Variants in DHRSX observed in about 807,000 individuals in gnomAD.
DHRSX encodes the protein polyprenol dehydrogenase.
DHRSX carries 31 observed loss-of-function variants against 34.0 expected under a neutral mutation model. The observed-to-expected ratio is 0.91, with a 90% CI of 0.69 to 1.23. DHRSX has a LOEUF of 1.23. Ranked by LOEUF, DHRSX falls within the 50% of genes most tolerant of loss-of-function variation. The pLI, the probability that DHRSX is intolerant of heterozygous loss-of-function variation, is 0.00. For synonymous variants in DHRSX, 201 were observed against 183.8 expected (o/e 1.09, Z -0.76); for missense variants, 414 against 428.1 (o/e 0.97, Z 0.29).
chrX:2,243,350 C>T (rs1318543092), intron 5 of DHRSX, 120 bp from the exon 6 acceptor site: 42 of 779,484 alleles, frequency 5.4e-5, no homozygotes, highest in Non-Finnish European at 8.5e-5. Flanking sequence ...CTCCCCTAGA[C>T]CCATGTGTGA....
intron 3 of DHRSX, among the ~76,000 whole-genome samples, chrX:2,355,947 T>C (rs1206574820): frequency 6.6e-6 from 1 of 151,748 alleles, no homozygotes; most frequent in Non-Finnish European, 1.5e-5. Flanking sequence ...GTATATGTAG[T>C]TCCAGCTACT....
In DHRSX at chrX:2,243,218, T is replaced by C. The variant is rs140923685; in HGVS notation, c.609A>G (p.Ser203=). ...MDDLQSSACY[S]PHAAYAQSKL... Reference sequence around the variant, plus strand: ...TGCTCTGGGCGTAGGCTGCGTGGGGTGAGTAGCAGGCACTGTGGGGCAAGC... The same window carrying C: ...TGCTCTGGGCGTAGGCTGCGTGGGGCGAGTAGCAGGCACTGTGGGGCAAGC... The change falls in exon 6 of 7, where the codon TCA becomes TCG. Residue 203 remains serine, a synonymous_variant. Transcript: ENST00000334651. 244 of 1,613,482 alleles carry C rather than the reference T, an allele frequency of 1.5e-4. 1 individual carries two copies. The African/African-American group carries it at 2.9e-3, about 19-fold the overall frequency.
chrX:2,385,110 ATGTGTG>A (rs934167358), intron 3 of DHRSX, among the ~76,000 whole-genome samples: 10 of 146,608 alleles, frequency 6.8e-5, no homozygotes, highest in African/African-American at 2.0e-4. Flanking sequence ...TCAAATATAT[ATGTGTG>A]TGTGTGTGTG....
chrX:2,365,146 T>C (rs2042982272), intron 3 of DHRSX, among the ~76,000 whole-genome samples: 1 of 152,294 alleles, frequency 6.6e-6, no homozygotes. Context: ...GAAACTATCA[T>C]CAGAGCAAAC....
At chrX:2,437,279 G>A (rs964465109) in intron 1 of DHRSX, among the ~76,000 whole-genome samples, 8 of 152,096 alleles carry the variant, frequency 5.3e-5, no homozygotes, top group African/African-American at 1.7e-4. Flanking sequence ...GATTACAGGT[G>A]TGAGCCACCA....
intron 1 of DHRSX, chrX:2,490,747 G>C (rs899235174): frequency 6.3e-7 from 1 of 1,599,020 alleles, no homozygotes; most frequent in Non-Finnish European, 8.5e-7. Context: ...CTGCCTGCTG[G>C]ACGGCTGCTC....
At position 2,425,312 on chromosome X, in the gene DHRSX, AG is replaced by A; in HGVS notation, c.110-9del. ...CAGGTCGTGGGGGGAAAACTGAAAA[AG>A]AAGAAGAGAAAATCATCAAACTAAG... On this transcript the variant is annotated splice_polypyrimidine_tract_variant and intron_variant, in intron 1 of 6. Coordinates refer to ENST00000334651, the MANE Select transcript of DHRSX (RefSeq NM_145177.3). 2 of 1,604,954 alleles carry A rather than the reference AG, an allele frequency of 1.2e-6. No homozygotes were observed. The highest frequency in any genetic ancestry group is 1.7e-6 in the Non-Finnish European group (2 of 1,172,970).
At chrX:2,332,555 T>C (rs747334785) in intron 3 of DHRSX, among the ~76,000 whole-genome samples, 1 of 152,132 alleles carries the variant, frequency 6.6e-6, no homozygotes, top group Non-Finnish European at 1.5e-5. Context: ...GCATTAGAAA[T>C]AGGACTTATG....
chrX:2,336,737 G>A (rs984932266), intron 3 of DHRSX, among the ~76,000 whole-genome samples: 2 of 151,814 alleles, frequency 1.3e-5, no homozygotes, highest in East Asian at 1.9e-4. Context: ...TGCCCACATC[G>A]TTATTTCAGA....
At chrX:2,409,408 AT>A (rs1206806828) in intron 2 of DHRSX, among the ~76,000 whole-genome samples, 1 of 152,016 alleles carries the variant, frequency 6.6e-6, no homozygotes, top group African/African-American at 2.4e-5. Flanking sequence ...ATTTCTCCTA[AT>A]GCTCTCCCTG....
At position 2,228,658 on chromosome X, in the gene DHRSX, C is replaced by G. The variant is rs143353712; in HGVS notation, c.805-7429G>C. On this transcript the variant is annotated intron_variant, in intron 6 of 6. Transcript: ENST00000334651. ...AATATCTGTGGTGACTCTGAGAATT[C>G]TGATTTCTAAGATAAGGCAGATATT... is the stretch of plus-strand genomic sequence containing the variant. Among the ~76,000 whole-genome samples the G allele has an allele frequency of 5.2e-3, 796 of 151,952 alleles. 4 individuals are homozygous for G. The highest frequency in any genetic ancestry group is 0.019 in the African/African-American group (771 of 41,432).
intron 3 of DHRSX, among the ~76,000 whole-genome samples, chrX:2,397,063 C>T (rs2043421127): frequency 6.6e-6 from 1 of 152,006 alleles, no homozygotes. Flanking sequence ...TACAGGGTCG[C>T]GATCATGGCT....
At chrX:2,451,310 T>C (rs961714260) in intron 1 of DHRSX, among the ~76,000 whole-genome samples, 11 of 151,434 alleles carry the variant, frequency 7.3e-5, no homozygotes, top group Non-Finnish European at 1.2e-4. Context: ...CCTTCCACCC[T>C]GGGCCCTGGA....
Position 2,336,034 on chromosome X carries a change from C to A in DHRSX, c.287-44431G>T, listed in dbSNP as rs1313135808. Among the ~76,000 whole-genome samples, 8 of 152,022 alleles carry A rather than the reference C, an allele frequency of 5.3e-5. 1 individual carries two copies. The Middle Eastern group carries it at 0.017, about 323-fold the overall frequency. On this transcript the variant is annotated intron_variant, in intron 3 of 6. Transcript: ENST00000334651. ...TTTTGTTTTTTTGTTGTCGTTGAGACAGAGTCTTGCTCTGGTACCAGGGAG... is the reference window on the plus strand; with the variant it reads ...TTTTGTTTTTTTGTTGTCGTTGAGAAAGAGTCTTGCTCTGGTACCAGGGAG...
intron 1 of DHRSX, chrX:2,488,373 C>T (rs1037457636): frequency 9.1e-6 from 4 of 440,644 alleles, no homozygotes; most frequent in African/African-American, 6.1e-5. Flanking sequence ...CGGGGTTTCG[C>T]CATGTTGGCC....
At chrX:2,246,903 A>G (rs982658154) in intron 5 of DHRSX, among the ~76,000 whole-genome samples, 1 of 152,178 alleles carries the variant, frequency 6.6e-6, no homozygotes, top group Non-Finnish European at 1.5e-5. Flanking sequence ...GAAAGAAAAC[A>G]GTATAAACAT....
Position 2,387,646 on chromosome X carries a change from G to A in DHRSX, c.286+21099C>T, listed in dbSNP as rs752622827. Among the ~76,000 whole-genome samples, 4 of 151,834 alleles carry A rather than the reference G, an allele frequency of 2.6e-5. No homozygotes were observed. In the South Asian group the frequency reaches 6.2e-4, roughly 24 times the overall value. ...GGTGGGTCTGCCTTTCCCAGCCCAC[G>A]GACTCAAATGTTAATGTCCTTTGGC... On this transcript the variant is annotated intron_variant, in intron 3 of 6. Transcript: ENST00000334651.
intron 6 of DHRSX, among the ~76,000 whole-genome samples, chrX:2,237,539 CTT>C (rs2016043838): frequency 6.7e-6 from 1 of 149,750 alleles, no homozygotes; most frequent in African/African-American, 2.5e-5. Flanking sequence ...GAGTTTCGCT[CTT>C]GTCGTCCAGG....
intron 3 of DHRSX, among the ~76,000 whole-genome samples, chrX:2,331,728 G>A (rs2042481106): frequency 6.6e-6 from 1 of 152,032 alleles, no homozygotes; most frequent in Admixed American, 6.6e-5. Context: ...GGGATTACAG[G>A]CGTGAGCCAC....
Sources: allele counts gnomAD v4.1 joint callset (sites outside exome capture counted in the v4.1 genomes callset), GRCh38; gene constraint gnomAD v4.1.1; transcripts MANE v1.5; gene names NCBI Gene and HGNC (gene_info 2026-07-23, HGNC 2026-07-21).